Variants in GNAL observed in about 807,000 individuals in gnomAD.
GNAL encodes the protein G protein subunit alpha L, also known as guanine nucleotide-binding protein G(olf) subunit alpha.
GNAL carries 18 observed loss-of-function variants against 55.1 expected under a neutral mutation model. The observed-to-expected ratio is 0.33, with a 90% CI of 0.23 to 0.48. GNAL has a LOEUF of 0.48. GNAL is among the 20% of genes least tolerant of loss of function. GNAL has a pLI of 0.99. For missense variants in GNAL, 412 were observed against 614.1 expected (o/e 0.67, Z 3.48); for synonymous variants, 253 against 237.0 (o/e 1.07, Z -0.62).
At chr18:11,850,122 C>T (rs1010778589) in intron 5 of GNAL, among the ~76,000 whole-genome samples, 1 of 152,198 alleles carries the variant, frequency 6.6e-6, no homozygotes, top group Non-Finnish European at 1.5e-5. Flanking sequence ...CAGGACCGGG[C>T]GTCAGTCACA....
intron 5 of GNAL, among the ~76,000 whole-genome samples, chr18:11,829,986 G>A (rs1460122973): frequency 6.6e-6 from 1 of 152,138 alleles, no homozygotes; most frequent in Non-Finnish European, 1.5e-5. Flanking sequence ...GCCTGGGCAA[G>A]AGAGCAAGAC....
intron 5 of GNAL, among the ~76,000 whole-genome samples, chr18:11,862,192 AG>A (rs1161647724): frequency 6.6e-6 from 1 of 152,134 alleles, no homozygotes; most frequent in Non-Finnish European, 1.5e-5. Flanking sequence ...AGAAAAAAAA[AG>A]AATGCAGTTC....
At chr18:11,763,114 T>C (rs1390431307) in intron 4 of GNAL, among the ~76,000 whole-genome samples, 1 of 152,252 alleles carries the variant, frequency 6.6e-6, no homozygotes, top group Non-Finnish European at 1.5e-5. Flanking sequence ...TAATCAATGT[T>C]AGCTTTTTAT....
intron 5 of GNAL, chr18:11,852,510 A>C (rs1322218314): frequency 5.0e-6 from 1 of 198,442 alleles, no homozygotes; most frequent in Admixed American, 5.3e-5. Context: ...TAAAAGTTAA[A>C]GAGAGGGGAA....
In GNAL at chr18:11,825,078, G is replaced by A. The variant is rs1045767982; in HGVS notation, c.722+63G>A. The A allele has an allele frequency of 3.5e-6, 3 of 860,820 alleles. No individual in the cohort carries two copies. The African/African-American group carries it at 5.1e-5, about 15-fold the overall frequency. 53.3% of individuals were successfully genotyped at this position (860,820 alleles called of 1,614,324 possible). On this transcript the variant is annotated intron_variant, in intron 5 of 11. Coordinates refer to ENST00000334049, the MANE Select transcript of GNAL (RefSeq NM_182978.4). ...AGAATATGATTGCATGCATGATTAT[G>A]CTGCCTTCTCAGTACTGAAGTTTCT...
intron 4 of GNAL, among the ~76,000 whole-genome samples, chr18:11,791,640 T>C (rs935457685): frequency 6.6e-5 from 10 of 152,230 alleles, no homozygotes; most frequent in African/African-American, 2.4e-4. Context: ...CTGCATGTGA[T>C]CTATTTAGGA....
At chr18:11,772,695 C>T (rs144174611) in intron 4 of GNAL, among the ~76,000 whole-genome samples, 1 of 152,218 alleles carries the variant, frequency 6.6e-6, no homozygotes, top group African/African-American at 2.4e-5. Flanking sequence ...GGACTAGAAC[C>T]GAGTCTCCCG....
At chr18:11,742,131 C>T (rs1033343569) in intron 1 of GNAL, among the ~76,000 whole-genome samples, 12 of 152,292 alleles carry the variant, frequency 7.9e-5, no homozygotes, top group African/African-American at 2.9e-4. Flanking sequence ...TGTACAGTTC[C>T]TAGTATGCTT....
intron 1 of GNAL, among the ~76,000 whole-genome samples, chr18:11,739,846 C>CT (rs113354400): frequency 0.057 from 8,098 of 142,204 alleles, 357 homozygotes; most frequent in African/African-American, 0.13. Flanking sequence ...TGTGTGGTTA[C>CT]TTTTTTTTTT....
chr18:11,836,275 T>C (rs928359393), intron 5 of GNAL, among the ~76,000 whole-genome samples: 4 of 151,922 alleles, frequency 2.6e-5, no homozygotes, highest in Non-Finnish European at 4.4e-5. Context: ...AGAGAAACCC[T>C]GTCTCTATTA....
At chr18:11,852,135 C>G in intron 5 of GNAL, 1 of 1,553,154 alleles carries the variant, frequency 6.4e-7, no homozygotes, top group South Asian at 1.2e-5. Flanking sequence ...TCTGAGGTTT[C>G]CTGGCCATAG....
chr18:11,696,804 A>G (rs966379507), intron 1 of GNAL, among the ~76,000 whole-genome samples: 2 of 152,188 alleles, frequency 1.3e-5, no homozygotes, highest in Non-Finnish European at 2.9e-5. Context: ...GGCCCTGAAA[A>G]CAGGTAGTTT....
At chr18:11,800,067 C>A (rs10468681) in intron 4 of GNAL, among the ~76,000 whole-genome samples, 50,169 of 152,028 alleles carry the variant, frequency 0.33, 10,556 homozygotes, top group African/African-American at 0.6. Flanking sequence ...AAATTGAATC[C>A]TATGGCACGT....
chr18:11,838,776 TA>T (rs1157064920), intron 5 of GNAL, among the ~76,000 whole-genome samples: 1 of 152,168 alleles, frequency 6.6e-6, no homozygotes, highest in Non-Finnish European at 1.5e-5. Context: ...TTTGTCTTTT[TA>T]AAAATCAGTT....
chr18:11,765,806 C>G (rs971267290), intron 4 of GNAL, among the ~76,000 whole-genome samples: 2 of 151,964 alleles, frequency 1.3e-5, no homozygotes, highest in Admixed American at 6.6e-5. Context: ...ATTATTATTT[C>G]TTGGATAGGA....
chr18:11,813,292 T>C (rs1376972054), intron 4 of GNAL, among the ~76,000 whole-genome samples: 3 of 148,560 alleles, frequency 2.0e-5, no homozygotes, highest in Non-Finnish European at 3.0e-5. Context: ...AGAAATAACA[T>C]GTTCAATTAT....
intron 1 of GNAL, among the ~76,000 whole-genome samples, chr18:11,711,249 C>T (rs1011578962): frequency 7.9e-5 from 12 of 152,224 alleles, no homozygotes; most frequent in African/African-American, 2.7e-4. Flanking sequence ...CCATTTCCCT[C>T]TCCAGATTTG....
At position 11,689,754 on chromosome 18, in the gene GNAL, C is replaced by G; in HGVS notation, c.191C>G (p.Ala64Gly). ...PRGGEGSPAC[A>G]RPKADKPKEK... ...GGCGGCGAAGGGAGCCCGGCATGCG[C>G]TCGGCCCAAAGCAGACAAGCCGAAG... Residue 64 changes from alanine to glycine, a missense_variant, in exon 1 of 12, where the codon GCT becomes GGT. Physicochemically the swap from Ala to Gly is moderately conservative, Grantham distance 60. Coordinates refer to ENST00000334049, the MANE Select transcript of GNAL (RefSeq NM_182978.4). 6.6e-7 allele frequency: 1 copy of G among 1,511,478 alleles called. No individual in the cohort carries two copies. The allele number at this position is 1,511,478 out of a possible 1,614,324, so 93.6% of individuals were successfully genotyped here. A position where few individuals can be genotyped will look rare whatever the true frequency, so the allele number is the denominator to read the frequency against.
intron 4 of GNAL, among the ~76,000 whole-genome samples, chr18:11,782,434 T>C (rs1197697374): frequency 1.3e-5 from 2 of 152,254 alleles, no homozygotes; most frequent in Non-Finnish European, 2.9e-5. Context: ...CATATAATCC[T>C]CTTTTGTTTG....
Sources: gnomAD v4.1 joint callset for allele counts (sites outside exome capture counted in the v4.1 genomes callset) on GRCh38, gnomAD v4.1.1 for gene constraint, MANE v1.5 for transcripts, NCBI Gene and HGNC (gene_info 2026-07-23, HGNC 2026-07-21) for gene names.